Variants in TLN1 observed in about 807,000 individuals in gnomAD.
The protein encoded by TLN1 is talin 1.
A neutral mutation model predicts 292.3 loss-of-function variants in TLN1; 56 were observed. The ratio of observed to expected loss-of-function variants is 0.19; its 90% CI spans 0.15 to 0.24. The LOEUF is 0.24. Among genes scored for constraint, TLN1 ranks in the 10% least tolerant of loss-of-function variants. The pLI is 1.00. For synonymous variants in TLN1, 1,119 were observed against 1,253.7 expected (o/e 0.89, Z 2.27); for missense variants, 2,433 against 3,248.2 (o/e 0.75, Z 6.10).
In TLN1 at chr9:35,705,832, C is replaced by G. The variant is rs747472950; in HGVS notation, c.5531G>C (p.Gly1844Ala). 1.7e-5 allele frequency: 27 copies of G among 1,614,236 alleles called. No homozygotes were observed. The highest frequency in any genetic ancestry group is 2.3e-5 in the Non-Finnish European group (27 of 1,180,048). The change falls in exon 42 of 57, where the codon GGT becomes GCT. Residue 1844 changes from glycine (G) to alanine (A), a missense_variant. Physicochemically the swap from Gly to Ala is moderately conservative, Grantham distance 60. Coordinates refer to ENST00000314888, the MANE Select transcript of TLN1 (RefSeq NM_006289.4). ...ATCCACGAAGGAACCTTCTGGTTCA[C>G]CCATTGGTCCTTCATCTAGCTGAGG... The part of the protein sequence containing the change: ...AINQLDEGPM[G>A]EPEGSFVDYQ...
At position 35,699,696 on chromosome 9, in the gene TLN1, G is replaced by A; in HGVS notation, c.6769-235C>T. On this transcript the variant is annotated intron_variant, in intron 50 of 56. Coordinates refer to ENST00000314888, the MANE Select transcript of TLN1 (RefSeq NM_006289.4). This position sits in a 1 kb window ranked among gnomAD's most constrained non-coding sequence, Gnocchi z 4.0. ...CAAGGAGCAAGGAGAATGATGAGAT[G>A]AAAGAGGAGACGACGAAAGTAGAGA... 2.0e-6 allele frequency: 2 copies of A among 985,390 alleles called. No homozygotes were observed. The highest frequency in any genetic ancestry group is 9.4e-5 in the South Asian group (2 of 21,286). 61.0% of individuals were successfully genotyped at this position (985,390 alleles called of 1,614,324 possible).
In TLN1 at chr9:35,707,342, C is replaced by A; in HGVS notation, c.4773+6G>T. The A allele has an allele frequency of 6.2e-7, 1 of 1,613,518 alleles. No individual in the cohort carries two copies. Among genetic ancestry groups the A allele is most frequent in the Non-Finnish European group, 8.5e-7 (1 of 1,179,524 alleles). On this transcript the variant is annotated splice_donor_region_variant and intron_variant, in intron 36 of 56. Coordinates refer to ENST00000314888, the MANE Select transcript of TLN1 (RefSeq NM_006289.4). This position sits in a 1 kb window ranked among gnomAD's most constrained non-coding sequence, Gnocchi z 5.6. ...GCCCATCAGTTCCCCCTTCACATCG[C>A]CTCACCTCAGGGCTGATCTGGGCAG...
rs761122778 is a variant in TLN1 at position 35,698,685 on chromosome 9, G to C, written c.7126-6C>G. On this transcript the variant is annotated splice_polypyrimidine_tract_variant and splice_region_variant and intron_variant, in intron 53 of 56. Transcript: ENST00000314888. The surrounding 1 kb of genome is among the most constrained non-coding windows in gnomAD (Gnocchi z 5.3). ...TTGGCTGGAATGGCACCCACCTGTA[G>C]GAAGGAGAAGAGCCTACTTAGACCT... is the stretch of plus-strand genomic sequence containing the variant. 6.2e-7 allele frequency: 1 copy of C among 1,614,124 alleles called. No individual in the cohort carries two copies. Among genetic ancestry groups the C allele is most frequent in the Non-Finnish European group, 8.5e-7 (1 of 1,180,014 alleles).
Position 35,719,546 on chromosome 9 carries a change from T to C in TLN1, c.1660A>G (p.Thr554Ala). 2 of 1,614,176 alleles carry C rather than the reference T, an allele frequency of 1.2e-6. No homozygotes were observed. Among genetic ancestry groups the C allele is most frequent in the Non-Finnish European group, 1.7e-6 (2 of 1,180,012 alleles). ...HSQVDAITAG[T>A]ASVVNLTAGD... The stretch of plus-strand genomic sequence containing the variant: ...GCTGTCAGGTTCACCACAGACGCAG[T>C]ACCAGCTGTGATGGCATCTACCTGA... The change falls in exon 15 of 57, where the codon ACT becomes GCT. Residue 554 changes from threonine (T) to alanine (A), a missense_variant. Thr to Ala is a moderately conservative substitution (Grantham distance 58). Transcript: ENST00000314888. The surrounding 1 kb of genome is among the most constrained non-coding windows in gnomAD (Gnocchi z 4.6).
At chr9:35,727,417 T>C (rs1449031006) in intron 1 of TLN1, among the ~76,000 whole-genome samples, 1 of 152,054 alleles carries the variant, frequency 6.6e-6, no homozygotes, top group East Asian at 1.9e-4. Context: ...GGTATGAAAA[T>C]GGTCTAGATC....
In TLN1 at chr9:35,707,938, G is replaced by A; in HGVS notation, c.4471-46C>T. On this transcript the variant is annotated intron_variant, in intron 34 of 56. Transcript: ENST00000314888. This position sits in a 1 kb window ranked among gnomAD's most constrained non-coding sequence, Gnocchi z 5.6. ...GCCACGATGAGGGCAGGAAGGAGGT[G>A]TACATACCCAAGGAGGAGCCATTTT... is the stretch of plus-strand genomic sequence containing the variant. 1 of 1,600,216 alleles carries A rather than the reference G, an allele frequency of 6.2e-7. No homozygotes were observed. The highest frequency in any genetic ancestry group is 2.2e-5 in the East Asian group (1 of 44,568).
rs763070231 is a variant in TLN1 at position 35,704,068 on chromosome 9, C to T, written c.6154G>A (p.Val2052Met). ...EKLAQAAQSS[V>M]ATITRLADVV... ...TCAGCGAGGCGGGTGATGGTCGCCA[C>T]GGAGGACTGGGCAGCCTGCGCCAAC... Residue 2052 changes from valine (V) to methionine (M), a missense_variant, in exon 46 of 57, where the codon GTG becomes ATG. Physicochemically the swap from Val to Met is conservative, Grantham distance 21 (BLOSUM62 1). Coordinates refer to ENST00000314888, the MANE Select transcript of TLN1 (RefSeq NM_006289.4). This position sits in a 1 kb window ranked among gnomAD's most constrained non-coding sequence, Gnocchi z 6.9. The T allele has an allele frequency of 3.1e-6, 5 of 1,613,860 alleles. No individual in the cohort carries two copies. The highest frequency in any genetic ancestry group is 2.2e-5 in the East Asian group (1 of 44,882).
In TLN1 at chr9:35,714,573, C is replaced by A. The variant is rs766669760; in HGVS notation, c.2985+1G>T. 1 of 1,609,206 alleles carries A rather than the reference C, an allele frequency of 6.2e-7. No homozygotes were observed. Among genetic ancestry groups the A allele is most frequent in the Non-Finnish European group, 8.5e-7 (1 of 1,179,984 alleles). ...AGAGAAGTGCAGAGGGGGTGCCTTG[C>A]CTGCAGGAAGCTCTGGCTGGCAGCA... is the stretch of plus-strand genomic sequence containing the variant. On this transcript the variant is annotated splice_donor_variant, in intron 23 of 56. Coordinates refer to ENST00000314888, the MANE Select transcript of TLN1 (RefSeq NM_006289.4). LOFTEE classifies it high-confidence loss of function. This position sits in a 1 kb window ranked among gnomAD's most constrained non-coding sequence, Gnocchi z 4.6.
chr9:35,708,837 A>G (rs1825610511), intron 33 of TLN1, among the ~76,000 whole-genome samples: 1 of 152,210 alleles, frequency 6.6e-6, no homozygotes, highest in Non-Finnish European at 1.5e-5. Flanking sequence ...AACGTTTGAG[A>G]GCCATATATA....
In TLN1 at chr9:35,732,081, T is replaced by A. The variant is rs1826092131; in HGVS notation, c.-40A>T. The A allele has an allele frequency of 6.6e-6, 1 of 150,634 alleles. No homozygotes were observed. The highest frequency in any genetic ancestry group is 2.0e-4 in the East Asian group (1 of 5,016). 9.3% of individuals were successfully genotyped at this position (150,634 alleles called of 1,614,324 possible). Reference sequence around the variant, plus strand: ...CCGGCCCGGTCTGGCCTACCTGCGCTGCCTGGCTCTGCGCCCCGCCCGCCG... The same window carrying A: ...CCGGCCCGGTCTGGCCTACCTGCGCAGCCTGGCTCTGCGCCCCGCCCGCCG... On this transcript the variant is annotated 5_prime_UTR_variant, in exon 1 of 57. Transcript: ENST00000314888. This position sits in a 1 kb window ranked among gnomAD's most constrained non-coding sequence, Gnocchi z 5.1.
At position 35,725,326 on chromosome 9, in the gene TLN1, AAG is replaced by A. The variant is rs1825954494; in HGVS notation, c.131-7_131-6del. ...GAAAGAGCCCAAAGTCGCTGGCTAA[AAG>A]AGAGGATGGATCACTTTAGGCTTAT... On this transcript the variant is annotated splice_polypyrimidine_tract_variant and splice_region_variant and intron_variant, in intron 2 of 56. Transcript: ENST00000314888. The A allele has an allele frequency of 6.2e-7, 1 of 1,614,024 alleles. No homozygotes were observed. The highest frequency in any genetic ancestry group is 1.3e-5 in the African/African-American group (1 of 75,022).
Position 35,704,239 on chromosome 9 carries a change from C to T in TLN1, c.6048-65G>A. The T allele has an allele frequency of 1.9e-6, 3 of 1,572,220 alleles. No homozygotes were observed. Among genetic ancestry groups the T allele is most frequent in the South Asian group, 2.4e-5 (2 of 83,410 alleles). On this transcript the variant is annotated intron_variant, in intron 45 of 56. Transcript: ENST00000314888. The surrounding 1 kb of genome is among the most constrained non-coding windows in gnomAD (Gnocchi z 6.9). ...CTCCAGCCCGTCCAAGGTGCCTGGTCCAGGTCTTCCCCATTCCAGCGAATG... is the reference window on the plus strand; with the variant it reads ...CTCCAGCCCGTCCAAGGTGCCTGGTTCAGGTCTTCCCCATTCCAGCGAATG...
At chr9:35,722,325 G>A in intron 8 of TLN1, 102 bp from the exon 9 acceptor site, 1 of 1,042,966 alleles carries the variant, frequency 9.6e-7, no homozygotes, top group Non-Finnish European at 1.5e-6. Flanking sequence ...TGGGGACACT[G>A]GAAAGGTTGA....
At chr9:35,727,999 C>T (rs1035636802) in intron 1 of TLN1, among the ~76,000 whole-genome samples, 1 of 152,162 alleles carries the variant, frequency 6.6e-6, no homozygotes, top group African/African-American at 2.4e-5. Flanking sequence ...CTAGCTCATT[C>T]CTCCTTTGGC....
In TLN1 at chr9:35,709,743, C is replaced by T. The variant is rs549846270; in HGVS notation, c.4326+818G>A. Among the ~76,000 whole-genome samples the T allele has an allele frequency of 4.3e-4, 65 of 149,552 alleles. 1 individual carries two copies. In the South Asian group the frequency reaches 8.5e-3, roughly 20 times the overall value. On this transcript the variant is annotated intron_variant, in intron 33 of 56. Coordinates refer to ENST00000314888, the MANE Select transcript of TLN1 (RefSeq NM_006289.4). Reference sequence around the variant, plus strand: ...CTCTACTAAAAATACAAAAATTAGCCGGGCATGGTGGCGCGCGCCTGTAGT... The same window carrying T: ...CTCTACTAAAAATACAAAAATTAGCTGGGCATGGTGGCGCGCGCCTGTAGT...
At position 35,707,436 on chromosome 9, in the gene TLN1, G is replaced by A; in HGVS notation, c.4685C>T (p.Thr1562Ile). 6.2e-7 allele frequency: 1 copy of A among 1,614,184 alleles called. No homozygotes were observed. Residue 1562 changes from threonine (T) to isoleucine (I), a missense_variant, in exon 36 of 57, where the codon ACA becomes ATA. Transcript: ENST00000314888. This position sits in a 1 kb window ranked among gnomAD's most constrained non-coding sequence, Gnocchi z 5.6. ...GTCCACAGCCTCCAGCAGAGGGGCT[G>A]TTGCTGCTCGGCACTGGGCACGGTT... ...EENRAQCRAA[T>I]APLLEAVDNL...
intron 1 of TLN1, among the ~76,000 whole-genome samples, chr9:35,731,607 G>A (rs886315341): frequency 1.3e-5 from 2 of 151,988 alleles, no homozygotes; most frequent in Non-Finnish European, 2.9e-5. Context: ...AAATTATGAC[G>A]TATGATGGCC....
intron 1 of TLN1, among the ~76,000 whole-genome samples, chr9:35,731,743 G>T (rs1200128704): frequency 6.6e-6 from 1 of 151,982 alleles, no homozygotes; most frequent in Non-Finnish European, 1.5e-5. Flanking sequence ...TTCCTAAACG[G>T]ACCCCACCTA....
rs1027192139 is a variant in TLN1, at chr9:35,724,463, C to T, written c.511+109G>A. 8.1e-5 allele frequency: 127 copies of T among 1,558,664 alleles called. 1 individual carries two copies. Among genetic ancestry groups the T allele is most frequent in the Middle Eastern group, 5.1e-4 (3 of 5,830 alleles). On this transcript the variant is annotated intron_variant, in intron 5 of 56. Transcript: ENST00000314888. The surrounding 1 kb of genome is among the most constrained non-coding windows in gnomAD (Gnocchi z 4.7). ...TCCCATGAGTGTAGGACTTTGTTTTCTCACTGATGTATCCCCAGGGTGTAA... is the reference window on the plus strand; with the variant it reads ...TCCCATGAGTGTAGGACTTTGTTTTTTCACTGATGTATCCCCAGGGTGTAA...
Sources: allele counts gnomAD v4.1 joint callset (sites outside exome capture counted in the v4.1 genomes callset), GRCh38; gene constraint gnomAD v4.1.1; non-coding constraint Gnocchi (gnomAD v3.1); transcripts MANE v1.5; gene names NCBI Gene and HGNC (gene_info 2026-07-23, HGNC 2026-07-21).